MYORG: variants seen among roughly 807,000 people sequenced by gnomAD.
MYORG encodes the protein alpha-galactosidase MYORG.
In MYORG, 45 loss-of-function variants were observed where a neutral mutation model predicts 49.8. The observed-to-expected ratio is 0.90, with a 90% CI of 0.71 to 1.16. MYORG has a LOEUF of 1.16. Ranked by LOEUF, MYORG falls within the 50% of genes most tolerant of loss-of-function variation. MYORG has a pLI of 0.00. For synonymous variants in MYORG, 552 were observed against 462.9 expected (o/e 1.19, Z -2.47); for missense variants, 1,110 against 1,026.5 (o/e 1.08, Z -1.11).
At position 34,372,207 on chromosome 9, in the gene MYORG, T is replaced by G. The variant is rs1588004552; in HGVS notation, c.737A>C (p.His246Pro). 2 of 1,611,786 alleles carry G rather than the reference T, an allele frequency of 1.2e-6. No individual in the cohort carries two copies. The highest frequency in any genetic ancestry group is 1.7e-6 in the Non-Finnish European group (2 of 1,179,306). ...AIKVNDSVPF[H>P]LGWNSTERSL... ...GCGCTCCGTGCTGTTCCAGCCCAGG[T>G]GGAAGGGCACTGAGTCATTGACTTT... The change falls in exon 2 of 2, where the codon CAC (histidine) becomes CCC (proline). Residue 246 changes from histidine to proline, a missense_variant. Transcript: ENST00000297625.
rs1820573064 is a variant in MYORG at position 34,370,604 on chromosome 9, GAGC to G, written c.*192_*194del. ...AGGGCACAGTAAGGATTGTGCGTTG[GAGC>G]AGGAGATTGCTTCAGTGCCCCCTCC... is the stretch of plus-strand genomic sequence containing the variant. On this transcript the variant is annotated 3_prime_UTR_variant, in exon 2 of 2. Coordinates refer to ENST00000297625, the MANE Select transcript of MYORG (RefSeq NM_020702.5). 1 of 958,106 alleles carries G rather than the reference GAGC, an allele frequency of 1.0e-6. No homozygotes were observed. The highest frequency in any genetic ancestry group is 2.7e-5 in the East Asian group (1 of 37,120). The allele number at this position is 958,106 out of a possible 1,614,324, so 59.4% of individuals were successfully genotyped here. A position where few individuals can be genotyped will look rare whatever the true frequency, so the allele number is the denominator to read the frequency against.
At position 34,369,297 on chromosome 9, in the gene MYORG, T is replaced by G. The variant is rs1820547166; in HGVS notation, c.*1502A>C. The G allele has an allele frequency of 6.6e-6, 1 of 152,176 alleles. No homozygotes were observed. The allele number at this position is 152,176 out of a possible 1,614,324, so 9.4% of individuals were successfully genotyped here. A position where few individuals can be genotyped will look rare whatever the true frequency, so the allele number is the denominator to read the frequency against. Reference sequence around the variant, plus strand: ...TGTTGATGGAAGCTAAAGTTCACCCTGTTTCCCACCGACCCGCTCTGGCAT... The same window carrying G: ...TGTTGATGGAAGCTAAAGTTCACCCGGTTTCCCACCGACCCGCTCTGGCAT... On this transcript the variant is annotated 3_prime_UTR_variant, in exon 2 of 2. Transcript: ENST00000297625.
Position 34,369,246 on chromosome 9 carries a change from TA to T in MYORG, c.*1552del. The stretch of plus-strand genomic sequence containing the variant: ...GGAAACGGATGCATTCTCTAGGGGG[TA>T]GGGGACTGGTTTTGCTACCAGAGCT... On this transcript the variant is annotated 3_prime_UTR_variant, in exon 2 of 2. Coordinates refer to ENST00000297625, the MANE Select transcript of MYORG (RefSeq NM_020702.5). The T allele has an allele frequency of 6.6e-6, 1 of 151,992 alleles. No individual in the cohort carries two copies. The highest frequency in any genetic ancestry group is 1.5e-5 in the Non-Finnish European group (1 of 67,976). 9.4% of individuals were successfully genotyped at this position (151,992 alleles called of 1,614,324 possible). A position where few individuals can be genotyped will look rare whatever the true frequency, so the allele number is the denominator to read the frequency against.
Position 34,370,803 on chromosome 9 carries a change from G to A in MYORG, c.2141C>T (p.Ser714Phe), listed in dbSNP as rs763997134. The A allele has an allele frequency of 6.4e-7, 1 of 1,572,722 alleles. No homozygotes were observed. The highest frequency in any genetic ancestry group is 1.7e-5 in the Admixed American group (1 of 58,146). ...GTTACCGGGCCCTGGGCTGGGTCAG[G>A]ACGCCCAGGTAAAGTAGGCGATCTC... is the stretch of plus-strand genomic sequence containing the variant. ...LDEIAYFTWAS is the reference protein window; with the variant it reads ...LDEIAYFTWAF Residue 714 changes from serine (S) to phenylalanine (F), a missense_variant, in exon 2 of 2, where the codon TCC becomes TTC. Coordinates refer to ENST00000297625, the MANE Select transcript of MYORG (RefSeq NM_020702.5).
At position 34,372,635 on chromosome 9, in the gene MYORG, G is replaced by A. The variant is rs1383010267; in HGVS notation, c.309C>T (p.Arg103=). 5 of 1,606,676 alleles carry A rather than the reference G, an allele frequency of 3.1e-6. No individual in the cohort carries two copies. The highest frequency in any genetic ancestry group is 4.2e-6 in the Non-Finnish European group (5 of 1,176,944). ...LDLKAGGFSI[R]NQKGEQVFRL... ...GGAAGACCTGCTCTCCCTTCTGATTGCGGATGGAGAAGCCGCCAGCTTTCA... is the reference window on the plus strand; with the variant it reads ...GGAAGACCTGCTCTCCCTTCTGATTACGGATGGAGAAGCCGCCAGCTTTCA... The change falls in exon 2 of 2, where the codon CGC becomes CGT. Residue 103 remains arginine (R), a synonymous_variant. Transcript: ENST00000297625.
rs766232034 is a variant in MYORG, at chr9:34,371,000, G to A, written c.1944C>T (p.His648=). The change falls in exon 2 of 2, where the codon CAC becomes CAT. Residue 648 remains histidine, a synonymous_variant. Transcript: ENST00000297625. The stretch of plus-strand genomic sequence containing the variant: ...CAATAAGGAACTGCGAGTCGATACG[G>A]TGAGCTGTCTCGTCGCCGGGCGCAA... ...WWIAPGDETA[H]RIDSQFLIGD... is the part of the protein sequence containing the mutation. The A allele has an allele frequency of 6.2e-7, 1 of 1,613,454 alleles. No homozygotes were observed. Among genetic ancestry groups the A allele is most frequent in the South Asian group, 1.1e-5 (1 of 91,088 alleles).
rs1820577718 is a variant in MYORG, at chr9:34,370,817, G to A, written c.2127C>T (p.Tyr709=). 1 of 1,583,416 alleles carries A rather than the reference G, an allele frequency of 6.3e-7. No homozygotes were observed. The highest frequency in any genetic ancestry group is 1.7e-5 in the Admixed American group (1 of 58,854). The change falls in exon 2 of 2, where the codon TAC becomes TAT. Residue 709 remains tyrosine (Y), a synonymous_variant. Transcript: ENST00000297625. The part of the protein sequence containing the change: ...DYPVDLDEIA[Y]FTWAS The stretch of plus-strand genomic sequence containing the variant: ...GGCTGGGTCAGGACGCCCAGGTAAA[G>A]TAGGCGATCTCATCCAGGTCGACCG...
rs1037351927 is a variant in MYORG at position 34,371,130 on chromosome 9, T to C, written c.1814A>G (p.Gln605Arg). The change falls in exon 2 of 2, where the codon CAG becomes CGG. Residue 605 changes from glutamine to arginine, a missense_variant. Transcript: ENST00000297625. The stretch of plus-strand genomic sequence containing the variant: ...CGAGGCCCGCAGGGCGGCGAACTTC[T>C]GCGCGATGGCCACCACTTCCGCGTC... ...RYDAEVVAIA[Q>R]KFAALRASLV... is the part of the protein sequence containing the mutation. 6.2e-7 allele frequency: 1 copy of C among 1,607,798 alleles called. No individual in the cohort carries two copies. Among genetic ancestry groups the C allele is most frequent in the African/African-American group, 1.3e-5 (1 of 74,958 alleles).
chr9:34,374,236 C>T (rs935151986), intron 1 of MYORG, among the ~76,000 whole-genome samples: 4 of 152,212 alleles, frequency 2.6e-5, no homozygotes, highest in Non-Finnish European at 4.4e-5. Context: ...TCTTTCTCAC[C>T]AGTGCCTTCT....
chr9:34,371,378 G>A lies in MYORG; in HGVS notation c.1566C>T (p.Asp522=). The change falls in exon 2 of 2, where the codon GAC becomes GAT. Residue 522 remains aspartate (D), a synonymous_variant. Transcript: ENST00000297625. ...ACCCCAGGTCGTAGCCCCACACAGA[G>A]TCGCGATCCACCAGGCGGAAGAAGC... The part of the protein sequence containing the change: ...ISCFFRLVDR[D]SVWGYDLGLR... 2 of 1,613,218 alleles carry A rather than the reference G, an allele frequency of 1.2e-6. No homozygotes were observed. The highest frequency in any genetic ancestry group is 1.7e-6 in the Non-Finnish European group (2 of 1,179,748).
chr9:34,371,140 C>A lies in MYORG; in HGVS notation c.1804G>T (p.Ala602Ser). Residue 602 changes from alanine to serine, a missense_variant, in exon 2 of 2, where the codon GCC (alanine) becomes TCC (serine). Coordinates refer to ENST00000297625, the MANE Select transcript of MYORG (RefSeq NM_020702.5). Reference sequence around the variant, plus strand: ...AGGGCGGCGAACTTCTGCGCGATGGCCACCACTTCCGCGTCGTAGCGCCAG... The same window carrying A: ...AGGGCGGCGAACTTCTGCGCGATGGACACCACTTCCGCGTCGTAGCGCCAG... ...PPWRYDAEVV[A>S]IAQKFAALRA... 6.2e-7 allele frequency: 1 copy of A among 1,608,060 alleles called. No individual in the cohort carries two copies. The highest frequency in any genetic ancestry group is 8.5e-7 in the Non-Finnish European group (1 of 1,176,150).
At chr9:34,373,822 G>T (rs1265754055) in intron 1 of MYORG, among the ~76,000 whole-genome samples, 3 of 152,176 alleles carry the variant, frequency 2.0e-5, no homozygotes, top group African/African-American at 7.2e-5. Context: ...AGGGAGGAAG[G>T]GAGAACAGCT....
chr9:34,371,842 C>T lies in MYORG; in HGVS notation c.1102G>A (p.Val368Ile). 3 of 1,614,086 alleles carry T rather than the reference C, an allele frequency of 1.9e-6. No individual in the cohort carries two copies. Among genetic ancestry groups the T allele is most frequent in the Non-Finnish European group, 2.5e-6 (3 of 1,179,902 alleles). Residue 368 changes from valine (V) to isoleucine (I), a missense_variant, in exon 2 of 2, where the codon GTC becomes ATC. Val to Ile is a conservative substitution (Grantham distance 29). Coordinates refer to ENST00000297625, the MANE Select transcript of MYORG (RefSeq NM_020702.5). ...PAYGDFDFDE[V>I]KFPNASDMFR... The stretch of plus-strand genomic sequence containing the variant: ...ATGTCGCTGGCGTTGGGGAATTTGA[C>T]CTCATCGAAGTCGAAGTCGCCATAA...
Position 34,371,621 on chromosome 9 carries a change from G to A in MYORG, c.1323C>T (p.Arg441=). ...GCCGCAGGTGTCCCTGGAACCAGTC[G>A]CGGGCCTTTGGGTGCGTGAAGTCTA... ...AVLDFTHPKA[R]DWFQGHLRRL... is the part of the protein sequence containing the mutation. Residue 441 remains arginine (R), a synonymous_variant, in exon 2 of 2, where the codon CGC becomes CGT. Transcript: ENST00000297625. 1 of 1,605,476 alleles carries A rather than the reference G, an allele frequency of 6.2e-7. No individual in the cohort carries two copies. Among genetic ancestry groups the A allele is most frequent in the African/African-American group, 1.3e-5 (1 of 74,956 alleles).
At chr9:34,375,935 G>A (rs909228550) in intron 1 of MYORG, among the ~76,000 whole-genome samples, 1 of 152,200 alleles carries the variant, frequency 6.6e-6, no homozygotes, top group Admixed American at 6.5e-5. Context: ...GTGAGGAAAC[G>A]TGGCCCAAAC....
At chr9:34,373,104 G>T in intron 1 of MYORG, 98 bp from the exon 2 acceptor site, 1 of 854,512 alleles carries the variant, frequency 1.2e-6, no homozygotes, top group Non-Finnish European at 1.8e-6. Flanking sequence ...TTGGGAAGAT[G>T]AATACTGGAA....
At position 34,371,473 on chromosome 9, in the gene MYORG, T is replaced by C. The variant is rs753855673; in HGVS notation, c.1471A>G (p.Thr491Ala). Residue 491 changes from threonine to alanine, a missense_variant, in exon 2 of 2, where the codon ACT (threonine) becomes GCT (alanine). Physicochemically the swap from Thr to Ala is moderately conservative, Grantham distance 58. Coordinates refer to ENST00000297625, the MANE Select transcript of MYORG (RefSeq NM_020702.5). ...GAGAAGAAGGGCAGCGCCATCTCAG[T>C]GTAGCGCCGGCTCCAGACGCTGGGG... ...PDPSVWSRRY[T>A]EMALPFFSLA... 1.9e-5 allele frequency: 31 copies of C among 1,612,262 alleles called. No individual in the cohort carries two copies. The Admixed American group carries it at 4.8e-4, about 25-fold the overall frequency.
chr9:34,370,730 G>A lies in MYORG; in HGVS notation c.*69C>T. On this transcript the variant is annotated 3_prime_UTR_variant, in exon 2 of 2. Transcript: ENST00000297625. ...GGAGGTTCCTGGGAGTACATGGTGC[G>A]GGTGTGACGGAGGGTTCAAGGTCTG... 2 of 1,477,736 alleles carry A rather than the reference G, an allele frequency of 1.4e-6. No homozygotes were observed. Among genetic ancestry groups the A allele is most frequent in the South Asian group, 1.4e-5 (1 of 72,866 alleles). The allele number at this position is 1,477,736 out of a possible 1,614,324, so 91.5% of individuals were successfully genotyped here. A position where few individuals can be genotyped will look rare whatever the true frequency, so the allele number is the denominator to read the frequency against.
At position 34,376,663 on chromosome 9, in the gene MYORG, G is replaced by A. The variant is rs1333126497; in HGVS notation, c.-64+130C>T. 6.6e-6 allele frequency: 1 copy of A among 152,330 alleles called. No individual in the cohort carries two copies. Among genetic ancestry groups the A allele is most frequent in the Non-Finnish European group, 1.5e-5 (1 of 68,128 alleles). 9.4% of individuals were successfully genotyped at this position (152,330 alleles called of 1,614,324 possible). On this transcript the variant is annotated intron_variant, in intron 1 of 1. Transcript: ENST00000297625. The surrounding 1 kb of genome is among the most constrained non-coding windows in gnomAD (Gnocchi z 4.4). ...GAGGTCAAGGGACCTGTCGCCCCGC[G>A]GGAATCGCGGCCGTGGGATGGGCCC...
Sources: allele counts gnomAD v4.1 joint callset (sites outside exome capture counted in the v4.1 genomes callset), GRCh38; gene constraint gnomAD v4.1.1; non-coding constraint Gnocchi (gnomAD v3.1); transcripts MANE v1.5; gene names NCBI Gene and HGNC (gene_info 2026-07-23, HGNC 2026-07-21).